SCGB1D1: variants seen among roughly 807,000 people sequenced by gnomAD.
The protein encoded by SCGB1D1 is lipophilin A (uteroglobin family member).
Under a neutral mutation model 8.3 loss-of-function variants are expected in SCGB1D1, and 10 were observed. The ratio of observed to expected loss-of-function variants is 1.21; its 90% CI spans 0.74 to 2.05. SCGB1D1 has a LOEUF of 2.05. Among genes scored for constraint, SCGB1D1 ranks in the 30% most tolerant of loss-of-function variants. The pLI is 0.00. For synonymous variants in SCGB1D1, 46 were observed against 41.7 expected (o/e 1.10, Z -0.39); for missense variants, 94 against 105.1 (o/e 0.89, Z 0.46).
intron 1 of SCGB1D1, among the ~76,000 whole-genome samples, chr11:62,191,801 G>T (rs553656555): frequency 6.2e-4 from 95 of 152,238 alleles, no homozygotes; most frequent in Middle Eastern, 3.4e-3. Flanking sequence ...GAGAAGCTTT[G>T]GAAAGTAATG....
chr11:62,190,275 A>G lies in SCGB1D1; in HGVS notation c.-10A>G. Reference sequence around the variant, plus strand: ...TGGTTAAAGCCGAGCTCACAGCAGAATAAGCCACCATGAGGCTGTCGGTGT... The same window carrying G: ...TGGTTAAAGCCGAGCTCACAGCAGAGTAAGCCACCATGAGGCTGTCGGTGT... On this transcript the variant is annotated 5_prime_UTR_variant, in exon 1 of 3. Coordinates refer to ENST00000306238, the MANE Select transcript of SCGB1D1 (RefSeq NM_006552.2). 2 of 1,614,140 alleles carry G rather than the reference A, an allele frequency of 1.2e-6. No homozygotes were observed. The highest frequency in any genetic ancestry group is 1.7e-6 in the Non-Finnish European group (2 of 1,179,996).
chr11:62,192,173 C>G lies in SCGB1D1; in HGVS notation c.173C>G (p.Ala58Gly). The G allele has an allele frequency of 6.2e-7, 1 of 1,613,790 alleles. No homozygotes were observed. Among genetic ancestry groups the G allele is most frequent in the Non-Finnish European group, 8.5e-7 (1 of 1,179,740 alleles). The change falls in exon 2 of 3, where the codon GCC becomes GGC. Residue 58 changes from alanine (A) to glycine (G), a missense_variant. By Grantham distance (60) the Ala-to-Gly change is moderately conservative. Transcript: ENST00000306238. ...AAGGCACCTCTGGAAGCTGTTGCAG[C>G]CAAGATGGAAGTGAAGAAATGCGTG... ...KFKAPLEAVAAKMEVKKCVDT... is the reference protein window; with the variant it reads ...KFKAPLEAVAGKMEVKKCVDT...
rs368559822 is a variant in SCGB1D1, at chr11:62,192,161, A to G, written c.161A>G (p.Glu54Gly). ...CTTGCCAAATTTAAGGCACCTCTGGAAGCTGTTGCAGCCAAGATGGAAGTG... is the reference window on the plus strand; with the variant it reads ...CTTGCCAAATTTAAGGCACCTCTGGGAGCTGTTGCAGCCAAGATGGAAGTG... ...FQLAKFKAPLEAVAAKMEVKK... is the reference protein window; with the variant it reads ...FQLAKFKAPLGAVAAKMEVKK... Residue 54 changes from glutamate (E) to glycine (G), a missense_variant, in exon 2 of 3, where the codon GAA (glutamate) becomes GGA (glycine). By Grantham distance (98) the Glu-to-Gly change is moderately conservative (BLOSUM62 -2). Transcript: ENST00000306238. The G allele has an allele frequency of 7.4e-6, 12 of 1,613,934 alleles. No individual in the cohort carries two copies. The highest frequency in any genetic ancestry group is 1.3e-5 in the African/African-American group (1 of 74,936).
chr11:62,193,387 T>G lies in SCGB1D1; in HGVS notation c.244-12T>G, dbSNP rs763791852. The G allele has an allele frequency of 1.4e-5, 23 of 1,612,432 alleles. No individual in the cohort carries two copies. The highest frequency in any genetic ancestry group is 2.0e-5 in the Non-Finnish European group (23 of 1,179,324). ...CCGACCTCACCTTCCTTTCTTTCCT[T>G]TTCTATTTCAGGGAAAAATAGCAGA... On this transcript the variant is annotated splice_polypyrimidine_tract_variant and intron_variant, in intron 2 of 2. Transcript: ENST00000306238.
chr11:62,191,179 C>A (rs1177107478), intron 1 of SCGB1D1, among the ~76,000 whole-genome samples: 1 of 152,130 alleles, frequency 6.6e-6, no homozygotes, highest in Non-Finnish European at 1.5e-5. Flanking sequence ...CTCCCTGTTT[C>A]CCTGTGACAC....
intron 1 of SCGB1D1, 108 bp from the exon 2 acceptor site, chr11:62,191,948 T>G: frequency 1.0e-6 from 1 of 961,164 alleles, no homozygotes; most frequent in Non-Finnish European, 1.5e-6. Context: ...GCATAGTTAT[T>G]GAATAGAAGC....
At position 62,192,122 on chromosome 11, in the gene SCGB1D1, T is replaced by A. The variant is rs768907017; in HGVS notation, c.122T>A (p.Val41Glu). 1 of 1,613,612 alleles carries A rather than the reference T, an allele frequency of 6.2e-7. No individual in the cohort carries two copies. The highest frequency in any genetic ancestry group is 1.3e-5 in the African/African-American group (1 of 74,942). ...GGCTTCTTATTAGCTGGAAAACCTG[T>A]GTTCAAGTTCCAACTTGCCAAATTT... ...ITGFLLAGKP[V>E]FKFQLAKFKA... The change falls in exon 2 of 3, where the codon GTG becomes GAG. Residue 41 changes from valine to glutamate, a missense_variant. Transcript: ENST00000306238.
intron 2 of SCGB1D1, 126 bp downstream of exon 2, chr11:62,192,369 G>C (rs1944685245): frequency 1.3e-6 from 1 of 788,306 alleles, no homozygotes; most frequent in Admixed American, 2.4e-5. Context: ...GTCACCGCTT[G>C]AGAAGGTCAC....
At chr11:62,191,306 T>C (rs971937897) in intron 1 of SCGB1D1, among the ~76,000 whole-genome samples, 1 of 152,144 alleles carries the variant, frequency 6.6e-6, no homozygotes, top group Non-Finnish European at 1.5e-5. Flanking sequence ...CTTAGGTGAA[T>C]GGAGATTCCA....
Position 62,193,456 on chromosome 11 carries a change from C to T in SCGB1D1, c.*28C>T. On this transcript the variant is annotated 3_prime_UTR_variant, in exon 3 of 3. Coordinates refer to ENST00000306238, the MANE Select transcript of SCGB1D1 (RefSeq NM_006552.2). ...TGTAAAAAGTTTTTAATGCTAGTTT[C>T]CACCATCTTTCAATGATACCCTGAT... The T allele has an allele frequency of 6.3e-7, 1 of 1,590,302 alleles. No homozygotes were observed. The highest frequency in any genetic ancestry group is 1.1e-5 in the South Asian group (1 of 90,150).
In SCGB1D1 at chr11:62,192,257, C is replaced by G. The variant is rs1346208532; in HGVS notation, c.243+14C>G. 2 of 1,360,214 alleles carry G rather than the reference C, an allele frequency of 1.5e-6. No individual in the cohort carries two copies. Among genetic ancestry groups the G allele is most frequent in the African/African-American group, 2.8e-5 (2 of 71,038 alleles). The allele number at this position is 1,360,214 out of a possible 1,614,324, so 84.3% of individuals were successfully genotyped here. ...ACAAAAACATTGGTAATTTCTGTCT[C>G]TTTCATGTGTCCAGGCTTCTGGTCA... On this transcript the variant is annotated intron_variant, in intron 2 of 2. Transcript: ENST00000306238.
At chr11:62,192,307 G>C in intron 2 of SCGB1D1, 64 bp downstream of exon 2, 1 of 1,420,902 alleles carries the variant, frequency 7.0e-7, no homozygotes, top group Non-Finnish European at 9.7e-7. Flanking sequence ...AGTGAGGTCA[G>C]CTTGCTTGCT....
In SCGB1D1 at chr11:62,193,457, C is replaced by A; in HGVS notation, c.*29C>A. 1 of 1,583,612 alleles carries A rather than the reference C, an allele frequency of 6.3e-7. No individual in the cohort carries two copies. The highest frequency in any genetic ancestry group is 1.1e-5 in the South Asian group (1 of 89,982). ...GTAAAAAGTTTTTAATGCTAGTTTC[C>A]ACCATCTTTCAATGATACCCTGATC... On this transcript the variant is annotated 3_prime_UTR_variant, in exon 3 of 3. Coordinates refer to ENST00000306238, the MANE Select transcript of SCGB1D1 (RefSeq NM_006552.2).
At chr11:62,192,337 T>C in intron 2 of SCGB1D1, 94 bp downstream of exon 2, 1 of 1,152,594 alleles carries the variant, frequency 8.7e-7, no homozygotes, top group Non-Finnish European at 1.2e-6. Flanking sequence ...GGGACACAGG[T>C]GGTGGGGCAC....
chr11:62,193,381 T>C lies in SCGB1D1; in HGVS notation c.244-18T>C. 6.2e-7 allele frequency: 1 copy of C among 1,612,324 alleles called. No individual in the cohort carries two copies. The highest frequency in any genetic ancestry group is 8.5e-7 in the Non-Finnish European group (1 of 1,179,176). Reference sequence around the variant, plus strand: ...GCATGACCGACCTCACCTTCCTTTCTTTCCTTTTCTATTTCAGGGAAAAAT... The same window carrying C: ...GCATGACCGACCTCACCTTCCTTTCCTTCCTTTTCTATTTCAGGGAAAAAT... On this transcript the variant is annotated intron_variant, in intron 2 of 2. Coordinates refer to ENST00000306238, the MANE Select transcript of SCGB1D1 (RefSeq NM_006552.2).
chr11:62,191,999 G>T, intron 1 of SCGB1D1, 57 bp from the exon 2 acceptor site: 3 of 1,458,974 alleles, frequency 2.1e-6, no homozygotes, highest in Non-Finnish European at 2.8e-6. Context: ...CATCAGGGAG[G>T]CATGGGAGAA....
Position 62,192,233 on chromosome 11 carries a change from C to T in SCGB1D1, c.233C>T (p.Thr78Ile). Residue 78 changes from threonine to isoleucine, a missense_variant, in exon 2 of 3, where the codon ACA becomes ATA. Thr to Ile is a moderately conservative substitution (Grantham distance 89, BLOSUM62 -1). Coordinates refer to ENST00000306238, the MANE Select transcript of SCGB1D1 (RefSeq NM_006552.2). ...GCCTATGAGAAAAGAGTGCTAATTA[C>T]AAAAACATTGGTAATTTCTGTCTCT... The part of the protein sequence containing the change: ...TMAYEKRVLI[T>I]KTLGKIAEKC... 6.2e-7 allele frequency: 1 copy of T among 1,604,614 alleles called. No individual in the cohort carries two copies. The highest frequency in any genetic ancestry group is 8.5e-7 in the Non-Finnish European group (1 of 1,173,310).
chr11:62,191,261 G>T (rs1044305971), intron 1 of SCGB1D1, among the ~76,000 whole-genome samples: 8 of 152,112 alleles, frequency 5.3e-5, no homozygotes, highest in African/African-American at 1.9e-4. Flanking sequence ...TGAGCATGGT[G>T]GGGCGCTTTC....
At chr11:62,193,017 G>T (rs908259191) in intron 2 of SCGB1D1, among the ~76,000 whole-genome samples, 2 of 152,206 alleles carry the variant, frequency 1.3e-5, no homozygotes, top group Non-Finnish European at 1.5e-5. Flanking sequence ...ATTCCCACAT[G>T]GGGAGGCTGG....
Sources: gnomAD v4.1 joint callset for allele counts (sites outside exome capture counted in the v4.1 genomes callset) on GRCh38, gnomAD v4.1.1 for gene constraint, MANE v1.5 for transcripts, NCBI Gene and HGNC (gene_info 2026-07-23, HGNC 2026-07-21) for gene names.